The following ATP8A2 variants were observed in gnomAD, a reference collection of about 807,000 sequenced individuals.
The protein encoded by ATP8A2 is ATPase phospholipid transporting 8A2.
Under a neutral mutation model 165.6 loss-of-function variants are expected in ATP8A2, and 100 were observed. The ratio of observed to expected loss-of-function variants is 0.60; its 90% CI spans 0.51 to 0.71. ATP8A2 has a LOEUF of 0.71. ATP8A2 is among the 30% of genes least tolerant of loss of function. ATP8A2 has a pLI of 0.00. For missense variants in ATP8A2, 1,227 were observed against 1,479.5 expected (o/e 0.83, Z 2.80); for synonymous variants, 543 against 548.8 (o/e 0.99, Z 0.15).
At chr13:25,669,007 G>T (rs572852158) in intron 24 of ATP8A2, among the ~76,000 whole-genome samples, 2 of 151,944 alleles carry the variant, frequency 1.3e-5, no homozygotes, top group African/African-American at 4.8e-5. Context: ...ATTTAAAGTT[G>T]TTGTCTAGTA....
intron 24 of ATP8A2, among the ~76,000 whole-genome samples, 180 bp from the exon 25 acceptor site, chr13:25,698,993 A>G (rs971456082): frequency 2.6e-5 from 4 of 152,226 alleles, no homozygotes; most frequent in African/African-American, 9.6e-5. Flanking sequence ...TGTACCCATA[A>G]AACAGACCCA....
At chr13:25,779,994 A>T (rs1026190185) in intron 27 of ATP8A2, among the ~76,000 whole-genome samples, 1 of 152,244 alleles carries the variant, frequency 6.6e-6, no homozygotes, top group African/African-American at 2.4e-5. Flanking sequence ...GTTTCAAAGC[A>T]CAGCAGCATC....
chr13:25,869,594 T>C (rs1300209509), intron 33 of ATP8A2, among the ~76,000 whole-genome samples: 1 of 152,220 alleles, frequency 6.6e-6, no homozygotes, highest in African/African-American at 2.4e-5. Flanking sequence ...AAGGAGATAA[T>C]ATCTATCTTA....
At chr13:25,820,867 A>G (rs1490835536) in intron 27 of ATP8A2, among the ~76,000 whole-genome samples, 3 of 152,166 alleles carry the variant, frequency 2.0e-5, no homozygotes, top group African/African-American at 7.2e-5. Context: ...GAGCGTTTCA[A>G]TGTAAGGGAA....
intron 1 of ATP8A2, among the ~76,000 whole-genome samples, chr13:25,430,691 A>G (rs1375375396): frequency 6.6e-6 from 1 of 151,982 alleles, no homozygotes; most frequent in Non-Finnish European, 1.5e-5. Context: ...TCCGCCTCCC[A>G]GTTTCAAGCG....
At chr13:25,773,404 A>G (rs562325129) in intron 26 of ATP8A2, among the ~76,000 whole-genome samples, 2 of 152,286 alleles carry the variant, frequency 1.3e-5, no homozygotes, top group South Asian at 4.1e-4. Flanking sequence ...CAAGGTTTAC[A>G]CTTTTTGGGA....
intron 25 of ATP8A2, among the ~76,000 whole-genome samples, chr13:25,721,437 T>C (rs1244611830): frequency 6.6e-6 from 1 of 152,218 alleles, no homozygotes; most frequent in Non-Finnish European, 1.5e-5. Context: ...CCCAGACCAG[T>C]GTCCTGAAGC....
chr13:25,740,605 G>A (rs1279973644), intron 25 of ATP8A2, among the ~76,000 whole-genome samples: 1 of 152,162 alleles, frequency 6.6e-6, no homozygotes, highest in Non-Finnish European at 1.5e-5. Context: ...AGTTGAAGAT[G>A]ATTCTATGTA....
intron 24 of ATP8A2, among the ~76,000 whole-genome samples, chr13:25,611,115 T>C (rs558283918): frequency 5.4e-4 from 82 of 152,242 alleles, no homozygotes; most frequent in African/African-American, 1.8e-3. Context: ...ACTTCCTCTT[T>C]ACTGATTTGG....
intron 1 of ATP8A2, among the ~76,000 whole-genome samples, chr13:25,438,855 G>A (rs978615979): frequency 3.9e-5 from 6 of 151,982 alleles, no homozygotes; most frequent in African/African-American, 7.3e-5. Context: ...TATGTGACAC[G>A]GTGTGTCATA....
intron 35 of ATP8A2, among the ~76,000 whole-genome samples, chr13:25,974,400 G>A (rs1337891974): frequency 1.3e-5 from 2 of 151,958 alleles, no homozygotes; most frequent in Admixed American, 6.5e-5. Context: ...TGAGGTAAAA[G>A]GGAGAAATCT....
chr13:25,438,222 A>G (rs1051635324), intron 1 of ATP8A2, among the ~76,000 whole-genome samples: 3 of 152,154 alleles, frequency 2.0e-5, no homozygotes, highest in African/African-American at 4.8e-5. Flanking sequence ...AGAGGAGCCT[A>G]CCTCTAAAAA....
At chr13:25,438,812 C>T (rs748139406) in intron 1 of ATP8A2, among the ~76,000 whole-genome samples, 1 of 151,960 alleles carries the variant, frequency 6.6e-6, no homozygotes. Flanking sequence ...CACTTTAGAC[C>T]TTTTTATGGA....
intron 27 of ATP8A2, among the ~76,000 whole-genome samples, chr13:25,798,577 T>C (rs563684790): frequency 6.6e-6 from 1 of 152,192 alleles, no homozygotes; most frequent in Non-Finnish European, 1.5e-5. Flanking sequence ...TTTTAAATCC[T>C]TAATAAGAAA....
At position 25,459,410 on chromosome 13, in the gene ATP8A2, G is replaced by A. The variant is rs77408135; in HGVS notation, c.77-9567G>A. Among the ~76,000 whole-genome samples the A allele has an allele frequency of 7.4e-4, 112 of 152,260 alleles. 1 individual carries two copies. Among genetic ancestry groups the A allele is most frequent in the African/African-American group, 2.6e-3 (110 of 41,556 alleles). On this transcript the variant is annotated intron_variant, in intron 1 of 36. Coordinates refer to ENST00000381655, the MANE Select transcript of ATP8A2 (RefSeq NM_016529.6). ...AATTTTGTGTTCGCTTGATTCACTC[G>A]TCAAACATGTTTACTGAATGCCTTC...
chr13:25,514,166 G>A (rs2037390581), intron 2 of ATP8A2, among the ~76,000 whole-genome samples: 2 of 151,974 alleles, frequency 1.3e-5, no homozygotes, highest in Non-Finnish European at 2.9e-5. Context: ...ATTTTAGTTA[G>A]GCTAGCGTAC....
chr13:25,913,423 T>C (rs1954178442), intron 33 of ATP8A2, among the ~76,000 whole-genome samples: 1 of 152,242 alleles, frequency 6.6e-6, no homozygotes, highest in Admixed American at 6.5e-5. Flanking sequence ...CAGAAAATTA[T>C]TTTCCTTTCA....
Position 25,750,659 on chromosome 13 carries a change from T to TG in ATP8A2, c.2385-18382dup, listed in dbSNP as rs2044134157. Reference sequence around the variant, plus strand: ...TAATAGGGAGGAAGTGTGGGGAGCCTGGGGGCCCTGTCGGCAGGTACCTCA... The same window carrying TG: ...TAATAGGGAGGAAGTGTGGGGAGCCTGGGGGGCCCTGTCGGCAGGTACCTCA... On this transcript the variant is annotated intron_variant, in intron 25 of 36. Transcript: ENST00000381655. This position sits in a 1 kb window ranked among gnomAD's most constrained non-coding sequence, Gnocchi z 4.3. Among the ~76,000 whole-genome samples the TG allele has an allele frequency of 6.6e-6, 1 of 152,164 alleles. No homozygotes were observed. The highest frequency in any genetic ancestry group is 2.1e-4 in the South Asian group (1 of 4,828).
rs551092050 is a variant in ATP8A2 at position 25,465,417 on chromosome 13, G to C, written c.77-3560G>C. On this transcript the variant is annotated intron_variant, in intron 1 of 36. Transcript: ENST00000381655. ...AGCTGTGTTGACCTGAAGCATGCTA[G>C]GTAGATAAGTGGGAGATATTATTCC... 3.3e-5 allele frequency among the ~76,000 whole-genome samples: 5 copies of C among 152,200 alleles called. 1 individual carries two copies. In the East Asian group the frequency reaches 9.7e-4, roughly 29 times the overall value.
Sources: allele counts gnomAD v4.1 joint callset (sites outside exome capture counted in the v4.1 genomes callset), GRCh38; gene constraint gnomAD v4.1.1; non-coding constraint Gnocchi (gnomAD v3.1); transcripts MANE v1.5; gene names NCBI Gene and HGNC (gene_info 2026-07-23, HGNC 2026-07-21).